The following ENTPD6 variants were observed in gnomAD, a reference collection of about 807,000 sequenced individuals.
The protein encoded by ENTPD6 is CD39 antigen-like 2.
A neutral mutation model predicts 61.5 loss-of-function variants in ENTPD6; 46 were observed. The observed-to-expected ratio is 0.75, with a 90% confidence interval of 0.59 to 0.96. The LOEUF (loss-of-function observed/expected upper bound fraction) is 0.96. Among genes scored for constraint, ENTPD6 ranks in the 40% least tolerant of loss-of-function variants. The pLI, the probability that ENTPD6 is intolerant of heterozygous loss-of-function variation, is 0.00. For synonymous variants in ENTPD6, 252 were observed against 255.5 expected (o/e 0.99, Z 0.13); for missense variants, 612 against 629.0 (o/e 0.97, Z 0.29).
At chr20:25,222,031 G>A (rs2092651214) in intron 11 of ENTPD6, 1 of 154,708 alleles carries the variant, frequency 6.5e-6, no homozygotes, top group South Asian at 2.0e-4. Flanking sequence ...GCTGTAACTA[G>A]GACAGCCAAG....
At chr20:25,212,730 G>A (rs2092055776) in intron 4 of ENTPD6, among the ~76,000 whole-genome samples, 1 of 151,800 alleles carries the variant, frequency 6.6e-6, no homozygotes, top group Non-Finnish European at 1.5e-5. Context: ...TTTTGGGATG[G>A]AGTCTCACTC....
At chr20:25,202,584 A>G (rs2091134710) in intron 1 of ENTPD6, among the ~76,000 whole-genome samples, 1 of 152,228 alleles carries the variant, frequency 6.6e-6, no homozygotes. Context: ...TAGGGATTAC[A>G]TACATAACAG....
chr20:25,221,152 C>A (rs1295260592), intron 10 of ENTPD6, 80 bp from the exon 11 acceptor site: 4 of 1,103,008 alleles, frequency 3.6e-6, no homozygotes, highest in Middle Eastern at 2.3e-4. Flanking sequence ...CAAGCCAGGG[C>A]CTCCGCGACT....
rs1568666656 is a variant in ENTPD6, at chr20:25,226,657, A to G, written c.*1060A>G. 6.6e-6 allele frequency: 1 copy of G among 152,292 alleles called. No homozygotes were observed. Among genetic ancestry groups the G allele is most frequent in the Admixed American group, 6.5e-5 (1 of 15,286 alleles). 9.4% of individuals were successfully genotyped at this position (152,292 alleles called of 1,614,324 possible). A position where few individuals can be genotyped will look rare whatever the true frequency, so the allele number is the denominator to read the frequency against. On this transcript the variant is annotated 3_prime_UTR_variant, in exon 15 of 15. Coordinates refer to ENST00000376652, the MANE Select transcript of ENTPD6 (RefSeq NM_001247.5). ...CCTTGAGCTGCTTCAGTGAATGTAC[A>G]GTGCCCGGCACGAGCTGAACCTCAT... is the stretch of plus-strand genomic sequence containing the variant.
chr20:25,212,215 A>G (rs1375082983), intron 4 of ENTPD6, among the ~76,000 whole-genome samples: 2 of 152,226 alleles, frequency 1.3e-5, no homozygotes, highest in Admixed American at 6.5e-5. Flanking sequence ...ACACACTGAC[A>G]TAGGACCTTA....
At chr20:25,196,063 G>T (rs1235564939) in intron 1 of ENTPD6, 196 bp downstream of exon 1, 23 of 922,024 alleles carry the variant, frequency 2.5e-5, no homozygotes, top group Non-Finnish European at 3.3e-5. Flanking sequence ...CCGGTGGGGG[G>T]CAAGTCCAGT....
chr20:25,209,141 G>T (rs560063667), intron 3 of ENTPD6, among the ~76,000 whole-genome samples: 1 of 144,794 alleles, frequency 6.9e-6, no homozygotes, highest in Admixed American at 7.0e-5. Flanking sequence ...ATGGAGTCTC[G>T]CTCTGTCGCC....
intron 1 of ENTPD6, chr20:25,197,329 C>A: frequency 1.2e-6 from 1 of 831,248 alleles, no homozygotes; most frequent in Non-Finnish European, 1.5e-6. Flanking sequence ...ACTCCTGCCT[C>A]CACCTGCTGG....
intron 4 of ENTPD6, among the ~76,000 whole-genome samples, chr20:25,210,688 T>C (rs2091901824): frequency 6.6e-6 from 1 of 152,190 alleles, no homozygotes; most frequent in South Asian, 2.1e-4. Context: ...ACGCCTGTAA[T>C]CCCAGCACTT....
rs753831142 is a variant in ENTPD6, at chr20:25,214,865, A to G, written c.598-2A>G. ...TGAAGTAACATCTCTCTTTACATTT[A>G]GGTGAAAAAAGTATTTAAAGCATCG... On this transcript the variant is annotated splice_acceptor_variant, in intron 5 of 14. Transcript: ENST00000376652. LOFTEE classifies it high-confidence loss of function. The G allele has an allele frequency of 3.4e-6, 5 of 1,453,700 alleles. No individual in the cohort carries two copies. In the African/African-American group the frequency reaches 4.2e-5, roughly 12 times the overall value. The allele number at this position is 1,453,700 out of a possible 1,614,324, so 90.1% of individuals were successfully genotyped here.
At chr20:25,211,961 G>A (rs1192526531) in intron 4 of ENTPD6, among the ~76,000 whole-genome samples, 2 of 152,088 alleles carry the variant, frequency 1.3e-5, no homozygotes, top group Non-Finnish European at 2.9e-5. Flanking sequence ...GATGCACACC[G>A]CAATGCCCAG....
chr20:25,224,050 C>T, intron 12 of ENTPD6, 51 bp from the exon 13 acceptor site: 1 of 1,563,096 alleles, frequency 6.4e-7, no homozygotes, highest in Non-Finnish European at 8.8e-7. Context: ...GTCTCAGTGG[C>T]ATCGCCAACC....
At chr20:25,219,776 G>A (rs192381725) in intron 10 of ENTPD6, among the ~76,000 whole-genome samples, 157 of 152,330 alleles carry the variant, frequency 1.0e-3, no homozygotes, top group African/African-American at 3.1e-3. Flanking sequence ...CACTTCTTCC[G>A]AGGGCCTGGT....
At chr20:25,224,357 C>G (rs2092733956) in intron 13 of ENTPD6, 200 bp downstream of exon 13, 1 of 459,162 alleles carries the variant, frequency 2.2e-6, no homozygotes, top group African/African-American at 2.0e-5. Context: ...CTCGATTCCA[C>G]TTCCTCAGAT....
intron 1 of ENTPD6, chr20:25,197,055 C>A: frequency 1.0e-6 from 1 of 984,930 alleles, no homozygotes; most frequent in Non-Finnish European, 1.2e-6. Flanking sequence ...TACTGAAACC[C>A]ACCAGGAGGA....
At chr20:25,220,943 C>T (rs950257436) in intron 10 of ENTPD6, among the ~76,000 whole-genome samples, 2 of 152,254 alleles carry the variant, frequency 1.3e-5, no homozygotes, top group African/African-American at 4.8e-5. Context: ...TGATGGCTCC[C>T]CTCCTAAAAG....
At chr20:25,206,068 C>T (rs2091471421) in intron 1 of ENTPD6, among the ~76,000 whole-genome samples, 1 of 152,272 alleles carries the variant, frequency 6.6e-6, no homozygotes, top group African/African-American at 2.4e-5. Context: ...TCCCTGCAGC[C>T]TGTTCTGAGC....
intron 1 of ENTPD6, among the ~76,000 whole-genome samples, chr20:25,202,325 G>A (rs2091110574): frequency 6.6e-6 from 1 of 152,056 alleles, no homozygotes; most frequent in Non-Finnish European, 1.5e-5. Flanking sequence ...GTCAGGTCTT[G>A]TTTTTTAATC....
At position 25,226,401 on chromosome 20, in the gene ENTPD6, A is replaced by G. The variant is rs916132319; in HGVS notation, c.*804A>G. 3 of 152,648 alleles carry G rather than the reference A, an allele frequency of 2.0e-5. No homozygotes were observed. Among genetic ancestry groups the G allele is most frequent in the South Asian group, 2.1e-4 (1 of 4,826 alleles). The allele number at this position is 152,648 out of a possible 1,614,324, so 9.5% of individuals were successfully genotyped here. ...GTGTTCTGAGCCCCCTTTTCTGGACACCAACTGTGTCCTGTGAATGTATCG... is the reference window on the plus strand; with the variant it reads ...GTGTTCTGAGCCCCCTTTTCTGGACGCCAACTGTGTCCTGTGAATGTATCG... On this transcript the variant is annotated 3_prime_UTR_variant, in exon 15 of 15. Transcript: ENST00000376652.
Sources: gnomAD v4.1 joint callset for allele counts (sites outside exome capture counted in the v4.1 genomes callset) on GRCh38, gnomAD v4.1.1 for gene constraint, MANE v1.5 for transcripts, NCBI Gene and HGNC (gene_info 2026-07-23, HGNC 2026-07-21) for gene names.